Variants in WWP1 observed in about 807,000 individuals in gnomAD.
WWP1 encodes the protein NEDD4-like E3 ubiquitin-protein ligase WWP1.
WWP1 carries 49 observed loss-of-function variants against 130.6 expected under a neutral mutation model. That is an observed-to-expected ratio of 0.38 (90% CI 0.30 to 0.48). WWP1 has a LOEUF of 0.48. Ranked by LOEUF, WWP1 falls within the 20% of genes least tolerant of loss-of-function variation. The pLI, the probability that WWP1 is intolerant of heterozygous loss-of-function variation, is 0.99. For synonymous variants in WWP1, 332 were observed against 367.8 expected, an observed-to-expected ratio of 0.90 and a Z score of 1.11; for missense variants, 809 against 1,100.6, an observed-to-expected ratio of 0.74 and a Z score of 3.75.
At chr8:86,455,931 AC>A (rs572686035) in intron 21 of WWP1, among the ~76,000 whole-genome samples, 6 of 152,002 alleles carry the variant, frequency 3.9e-5, no homozygotes, top group Non-Finnish European at 8.8e-5. Context: ...TTGGTGGAAC[AC>A]TAGAATGTCC....
chr8:86,396,509 G>A (rs1237462014), intron 5 of WWP1, among the ~76,000 whole-genome samples: 1 of 150,304 alleles, frequency 6.7e-6, no homozygotes, highest in Non-Finnish European at 1.5e-5. Context: ...GAGGTCTATG[G>A]TGCTACAAAT....
intron 3 of WWP1, among the ~76,000 whole-genome samples, chr8:86,375,877 A>G (rs898942388): frequency 6.6e-5 from 10 of 152,204 alleles, no homozygotes; most frequent in African/African-American, 2.4e-4. Context: ...TTTTGTGTCT[A>G]CACCAGCTAT....
chr8:86,410,301 C>T (rs2130557400), intron 8 of WWP1, among the ~76,000 whole-genome samples: 1 of 152,250 alleles, frequency 6.6e-6, no homozygotes, highest in African/African-American at 2.4e-5. Flanking sequence ...AGCCTGGAGC[C>T]TTTAGGAGGG....
At chr8:86,458,750 C>T (rs1811590849) in intron 22 of WWP1, among the ~76,000 whole-genome samples, 1 of 152,072 alleles carries the variant, frequency 6.6e-6, no homozygotes. Context: ...GTACACTTTC[C>T]AAAAGTTGCA....
intron 2 of WWP1, among the ~76,000 whole-genome samples, chr8:86,372,986 T>C (rs879842196): frequency 8.9e-4 from 135 of 152,142 alleles, no homozygotes; most frequent in Admixed American, 6.7e-3. Flanking sequence ...TCCTAGTATG[T>C]CTTTAAGGCT....
chr8:86,442,539 G>A, intron 17 of WWP1, 80 bp from the exon 18 acceptor site: 1 of 1,311,010 alleles, frequency 7.6e-7, no homozygotes, highest in Non-Finnish European at 1.0e-6. Context: ...GAGGTATGAT[G>A]TATATATGAA....
chr8:86,442,910 G>A, intron 18 of WWP1, 132 bp downstream of exon 18: 1 of 914,038 alleles, frequency 1.1e-6, no homozygotes, highest in Non-Finnish European at 1.5e-6. Flanking sequence ...AGTTTCCCTG[G>A]AGAGTGTAAA....
chr8:86,397,424 A>G (rs1807739160), intron 5 of WWP1, among the ~76,000 whole-genome samples: 1 of 67,696 alleles, frequency 1.5e-5, no homozygotes. Flanking sequence ...ACTTATTAAC[A>G]TATCTCACCT....
intron 18 of WWP1, 55 bp from the exon 19 acceptor site, chr8:86,448,093 C>T (rs1003870270): frequency 4.8e-6 from 7 of 1,447,810 alleles, no homozygotes; most frequent in Non-Finnish European, 6.5e-6. Flanking sequence ...TCATTGTTCT[C>T]TAAGAAATTG....
At chr8:86,405,490 C>T (rs1299143715) in intron 8 of WWP1, among the ~76,000 whole-genome samples, 1 of 152,116 alleles carries the variant, frequency 6.6e-6, no homozygotes, top group African/African-American at 2.4e-5. Context: ...CCCTAAACCT[C>T]CTCCAGGCAT....
intron 9 of WWP1, among the ~76,000 whole-genome samples, chr8:86,413,626 G>A (rs1417580934): frequency 6.6e-6 from 1 of 152,214 alleles, no homozygotes; most frequent in Non-Finnish European, 1.5e-5. Flanking sequence ...ATTTTCAGTA[G>A]AGCCGACTGC....
intron 9 of WWP1, among the ~76,000 whole-genome samples, chr8:86,420,132 A>G (rs1399901455): frequency 6.6e-6 from 1 of 152,170 alleles, no homozygotes; most frequent in Non-Finnish European, 1.5e-5. Context: ...TGGAGGCAGG[A>G]ATTAGAGGGT....
At chr8:86,412,000 C>A in intron 9 of WWP1, 126 bp downstream of exon 9, 1 of 910,032 alleles carries the variant, frequency 1.1e-6, no homozygotes, top group Non-Finnish European at 1.6e-6. Flanking sequence ...GGATCTGAAT[C>A]ATACTATTTA....
intron 21 of WWP1, among the ~76,000 whole-genome samples, chr8:86,455,605 C>T (rs1563549257): frequency 6.6e-6 from 1 of 151,950 alleles, no homozygotes; most frequent in Non-Finnish European, 1.5e-5. Context: ...CAAAAACACA[C>T]AAGACCTCTA....
At chr8:86,371,415 T>A (rs1824290951) in intron 2 of WWP1, among the ~76,000 whole-genome samples, 1 of 152,222 alleles carries the variant, frequency 6.6e-6, no homozygotes, top group African/African-American at 2.4e-5. Context: ...TAATGCCAAA[T>A]TATTTTCCAA....
chr8:86,458,011 A>G lies in WWP1; in HGVS notation c.2485A>G (p.Ile829Val), dbSNP rs948942977. 1.2e-6 allele frequency: 2 copies of G among 1,611,622 alleles called. No individual in the cohort carries two copies. The highest frequency in any genetic ancestry group is 1.7e-6 in the Non-Finnish European group (2 of 1,178,266). ...RHYTRNSKQIIWFWQFVKETD... is the reference protein window; with the variant it reads ...RHYTRNSKQIVWFWQFVKETD... Reference sequence around the variant, plus strand: ...TTATACAAGAAACAGCAAGCAAATCATTTGGTTTTGGCAGGTATTTGCTTT... The same window carrying G: ...TTATACAAGAAACAGCAAGCAAATCGTTTGGTTTTGGCAGGTATTTGCTTT... The change falls in exon 22 of 25, where the codon ATT becomes GTT. Residue 829 changes from isoleucine to valine, a missense_variant. Transcript: ENST00000517970.
chr8:86,424,074 C>T (rs1425721258), intron 9 of WWP1, among the ~76,000 whole-genome samples: 1 of 150,844 alleles, frequency 6.6e-6, no homozygotes, highest in Non-Finnish European at 1.5e-5. Context: ...CGGAGGGGCT[C>T]CTCACTTCTC....
chr8:86,391,458 A>G (rs1243610098), intron 5 of WWP1, among the ~76,000 whole-genome samples: 21 of 152,068 alleles, frequency 1.4e-4, no homozygotes, highest in Admixed American at 1.4e-3. Flanking sequence ...TGAGATACTG[A>G]TATCTGAGGT....
At chr8:86,354,995 TGACA>T (rs1276047164) in intron 1 of WWP1, among the ~76,000 whole-genome samples, 1 of 152,176 alleles carries the variant, frequency 6.6e-6, no homozygotes, top group African/African-American at 2.4e-5. Context: ...TATCCTCATT[TGACA>T]GACAGGAAAA....
Sources: allele counts gnomAD v4.1 joint callset (sites outside exome capture counted in the v4.1 genomes callset), GRCh38; gene constraint gnomAD v4.1.1; transcripts MANE v1.5; gene names NCBI Gene and HGNC (gene_info 2026-07-23, HGNC 2026-07-21).